RMC1: variants seen among roughly 807,000 people sequenced by gnomAD.
RMC1 encodes the protein regulator of MON1-CCZ1, also known as regulator of MON1-CCZ1 complex.
Under a neutral mutation model 95.5 loss-of-function variants are expected in RMC1, and 44 were observed. The ratio of observed to expected loss-of-function variants is 0.46; its 90% CI spans 0.36 to 0.59. The LOEUF (loss-of-function observed/expected upper bound fraction) is 0.59, where lower values mean the gene tolerates loss of function less well. RMC1 is among the 20% of genes least tolerant of loss of function. The pLI, the probability that RMC1 is intolerant of heterozygous loss-of-function variation, is 0.00. For synonymous variants in RMC1, 320 were observed against 303.6 expected (o/e 1.05, Z -0.56); for missense variants, 705 against 819.6 (o/e 0.86, Z 1.71).
Position 23,529,267 on chromosome 18 carries a change from C to A in RMC1, c.1385C>A (p.Thr462Asn). Residue 462 changes from threonine to asparagine, a missense_variant, in exon 15 of 20, where the codon ACC (threonine) becomes AAC (asparagine). Physicochemically the swap from Thr to Asn is moderately conservative, Grantham distance 65 (BLOSUM62 0). Coordinates refer to ENST00000269221, the MANE Select transcript of RMC1 (RefSeq NM_013326.5). ...GTGCTGGACCAGTCAGATGTGTACA[C>A]CCATGTCCTGTCAGCCTTTGTGGAA... ...QAVLDQSDVYTHVLSAFVEKK... is the reference protein window; with the variant it reads ...QAVLDQSDVYNHVLSAFVEKK... 4.3e-6 allele frequency: 7 copies of A among 1,613,688 alleles called. No individual in the cohort carries two copies. Among genetic ancestry groups the A allele is most frequent in the Non-Finnish European group, 5.9e-6 (7 of 1,179,980 alleles).
rs187664181 is a variant in RMC1 at position 23,505,260 on chromosome 18, C to T, written c.179+813C>T. The stretch of plus-strand genomic sequence containing the variant: ...ATTTTTAGTAGAGATGGGGTTTCAC[C>T]GTGTTGGCCAGGCTGGTTTCGAACT... On this transcript the variant is annotated intron_variant, in intron 2 of 19. Coordinates refer to ENST00000269221, the MANE Select transcript of RMC1 (RefSeq NM_013326.5). 3.2e-3 allele frequency among the ~76,000 whole-genome samples: 488 copies of T among 152,182 alleles called. 6 individuals are homozygous for T. The highest frequency in any genetic ancestry group is 0.011 in the African/African-American group (467 of 41,510).
chr18:23,507,076 C>T (rs774377450), intron 3 of RMC1, 22 bp downstream of exon 3: 8 of 1,495,844 alleles, frequency 5.3e-6, no homozygotes, highest in Non-Finnish European at 7.4e-6. Context: ...CTTTAAAATA[C>T]AGCATTAAAG....
At chr18:23,524,219 G>A (rs763089805) in intron 11 of RMC1, 45 bp downstream of exon 11, 1 of 1,606,378 alleles carries the variant, frequency 6.2e-7, no homozygotes, top group Non-Finnish European at 8.5e-7. Context: ...AGGGCAAGTG[G>A]TCACCCTCAG....
At chr18:23,512,721 CTG>C (rs1241942447) in intron 5 of RMC1, among the ~76,000 whole-genome samples, 1 of 151,864 alleles carries the variant, frequency 6.6e-6, no homozygotes, top group Non-Finnish European at 1.5e-5. Flanking sequence ...GCATGAGCCA[CTG>C]TGTGTGGTCA....
intron 2 of RMC1, chr18:23,506,541 ATCTG>A (rs1424685540): frequency 7.1e-5 from 12 of 169,532 alleles, no homozygotes. Flanking sequence ...ACTTTTTAAC[ATCTG>A]TCTGAGGCGG....
At chr18:23,522,062 C>T (rs577628450) in intron 10 of RMC1, among the ~76,000 whole-genome samples, 27 of 152,312 alleles carry the variant, frequency 1.8e-4, no homozygotes, top group African/African-American at 4.1e-4. Flanking sequence ...ACCGTTCACC[C>T]GGGAGTTCAG....
Position 23,529,226 on chromosome 18 carries a change from G to A in RMC1, c.1344G>A (p.Pro448=), listed in dbSNP as rs1024959433. The stretch of plus-strand genomic sequence containing the variant: ...GAAGCAGCCCGCTCCTCAAGAGGCC[G>A]GTGCGGACCCAGGCGGTGCTGGACC... The part of the protein sequence containing the change: ...QSRSSPLLKR[P]VRTQAVLDQS... The change falls in exon 15 of 20, where the codon CCG becomes CCA. Residue 448 remains proline (P), a synonymous_variant. Coordinates refer to ENST00000269221, the MANE Select transcript of RMC1 (RefSeq NM_013326.5). 8.7e-6 allele frequency: 14 copies of A among 1,613,882 alleles called. 1 individual carries two copies. The highest frequency in any genetic ancestry group is 2.2e-5 in the East Asian group (1 of 44,898).
chr18:23,503,505 G>T (rs1232145758), upstream of RMC1: 5 of 580,880 alleles, frequency 8.6e-6, no homozygotes, highest in East Asian at 2.1e-4. Flanking sequence ...CGTCCGCGCC[G>T]GGCCCAGAGC....
chr18:23,519,218 A>C (rs1176882814), intron 9 of RMC1, 44 bp downstream of exon 9: 1 of 1,568,860 alleles, frequency 6.4e-7, no homozygotes, highest in Admixed American at 1.7e-5. Flanking sequence ...GTTGCTTAAA[A>C]GCCTTGTGAA....
At chr18:23,517,441 C>T (rs913797661) in intron 7 of RMC1, among the ~76,000 whole-genome samples, 2 of 152,122 alleles carry the variant, frequency 1.3e-5, no homozygotes, top group Non-Finnish European at 2.9e-5. Context: ...AGCCACCACG[C>T]CTGGCAGTAC....
chr18:23,530,839 A>T (rs2058474814), intron 19 of RMC1, among the ~76,000 whole-genome samples: 2 of 152,300 alleles, frequency 1.3e-5, no homozygotes, highest in African/African-American at 4.8e-5. Flanking sequence ...TTGAGTCAAG[A>T]CACATTTAGG....
intron 13 of RMC1, 128 bp from the exon 14 acceptor site, chr18:23,527,665 TAG>T (rs2058345623): frequency 5.1e-6 from 3 of 583,550 alleles, no homozygotes; most frequent in Non-Finnish European, 8.7e-6. Context: ...GTCTTTAAAG[TAG>T]AGTGTCCTTT....
In RMC1 at chr18:23,520,329, T is replaced by C. The variant is rs2058110547; in HGVS notation, c.961+16T>C. 1 of 1,590,052 alleles carries C rather than the reference T, an allele frequency of 6.3e-7. No individual in the cohort carries two copies. Among genetic ancestry groups the C allele is most frequent in the Non-Finnish European group, 8.6e-7 (1 of 1,158,902 alleles). ...CCCATCACAGGTAACACGGGTTCTG[T>C]AGAGGAGTCTGTGCTGCCCTTTCAC... On this transcript the variant is annotated intron_variant, in intron 10 of 19. Coordinates refer to ENST00000269221, the MANE Select transcript of RMC1 (RefSeq NM_013326.5).
At chr18:23,515,467 G>T (rs2145183554) in intron 5 of RMC1, among the ~76,000 whole-genome samples, 1 of 152,306 alleles carries the variant, frequency 6.6e-6, no homozygotes, top group South Asian at 2.1e-4. Flanking sequence ...TTCACTTAGT[G>T]GGTTTCTTCT....
intron 5 of RMC1, among the ~76,000 whole-genome samples, chr18:23,514,334 G>A (rs368955907): frequency 1.3e-5 from 2 of 152,180 alleles, no homozygotes; most frequent in African/African-American, 4.8e-5. Flanking sequence ...GGCCGCCATG[G>A]CGAAACCCCG....
intron 5 of RMC1, among the ~76,000 whole-genome samples, chr18:23,510,249 G>A (rs2057817340): frequency 6.6e-6 from 1 of 151,724 alleles, no homozygotes; most frequent in Admixed American, 6.6e-5. Context: ...GCTTGAGCCT[G>A]GGAGGCAGGA....
chr18:23,529,728 C>T lies in RMC1; in HGVS notation c.1494+16C>T, dbSNP rs201307667. 127 of 1,602,120 alleles carry T rather than the reference C, an allele frequency of 7.9e-5. No homozygotes were observed. Among genetic ancestry groups the T allele is most frequent in the Non-Finnish European group, 1.0e-4 (117 of 1,169,982 alleles). On this transcript the variant is annotated intron_variant, in intron 16 of 19. Transcript: ENST00000269221. ...TGCAGTACAGGTACCTTCAAATCAT[C>T]TGGGCCCAAGTTAAAACAGAAGGAA...
chr18:23,510,963 C>G (rs149602400), intron 5 of RMC1, among the ~76,000 whole-genome samples: 2 of 152,312 alleles, frequency 1.3e-5, no homozygotes, highest in African/African-American at 4.8e-5. Context: ...GACCTAGCAG[C>G]CCCATTACTG....
intron 2 of RMC1, chr18:23,506,420 A>T (rs532605939): frequency 6.6e-6 from 1 of 151,894 alleles, no homozygotes; most frequent in Non-Finnish European, 1.5e-5. Flanking sequence ...TGGAATAGAG[A>T]CGGGGTCTCA....
Sources: gnomAD v4.1 joint callset for allele counts (sites outside exome capture counted in the v4.1 genomes callset) on GRCh38, gnomAD v4.1.1 for gene constraint, MANE v1.5 for transcripts, NCBI Gene and HGNC (gene_info 2026-07-23, HGNC 2026-07-21) for gene names.